MBP: variants seen among roughly 807,000 people sequenced by gnomAD.
MBP encodes the protein Golli-MBP.
A neutral mutation model predicts 35.8 loss-of-function variants in MBP; 16 were observed. That is an observed-to-expected ratio of 0.45 (90% CI 0.30 to 0.68). The LOEUF is 0.68. Among genes scored for constraint, MBP ranks in the 30% least tolerant of loss-of-function variants. MBP has a pLI of 0.08. For missense variants in MBP, 380 were observed against 404.7 expected, an observed-to-expected ratio of 0.94 and a Z score of 0.52; for synonymous variants, 143 against 159.6, an observed-to-expected ratio of 0.90 and a Z score of 0.78.
intron 2 of MBP, among the ~76,000 whole-genome samples, chr18:77,075,988 G>A (rs146456974): frequency 1.3e-5 from 2 of 152,320 alleles, no homozygotes; most frequent in Non-Finnish European, 2.9e-5. Context: ...GGAGGGATTC[G>A]ATTACATTTA....
intron 2 of MBP, among the ~76,000 whole-genome samples, chr18:77,100,511 GTGTGTGTGTGTGTGT>G (rs1975958264): frequency 5.7e-5 from 3 of 52,326 alleles, no homozygotes; most frequent in South Asian, 8.9e-4. Flanking sequence ...AATTTGGGGT[GTGTGTGTGTGTGTGT>G]GTGTGTGTGT....
rs371134243 is a variant in MBP at position 76,980,386 on chromosome 18, A to G, written c.*41T>C. On this transcript the variant is annotated 3_prime_UTR_variant, in exon 9 of 9. Coordinates refer to ENST00000355994, the MANE Select transcript of MBP (RefSeq NM_001025101.2). ...GGGATTAAAGTTTTAAGGCAGTTAT[A>G]TTAAGAAGCTGAGGACAGGATTCCG... 5.0e-6 allele frequency: 8 copies of G among 1,587,054 alleles called. No individual in the cohort carries two copies. In the African/African-American group the frequency reaches 9.4e-5, roughly 19 times the overall value.
intron 3 of MBP, among the ~76,000 whole-genome samples, chr18:77,037,189 G>A (rs2850209): frequency 0.054 from 7,101 of 131,690 alleles, 261 homozygotes; most frequent in Middle Eastern, 0.15. Flanking sequence ...TGCTGGTCAC[G>A]TTTTGGAGAC....
chr18:76,990,157 AT>A (rs35688328), intron 4 of MBP, 97 bp from the exon 5 acceptor site: 106,434 of 577,314 alleles, frequency 0.18, 561 homozygotes, highest in Non-Finnish European at 0.21. Context: ...TGTAATCTGG[AT>A]TTTTTTTTTT....
chr18:76,987,637 T>C (rs1333987337), intron 7 of MBP: 1 of 985,954 alleles, frequency 1.0e-6, no homozygotes, highest in African/African-American at 1.7e-5. Flanking sequence ...AAAGTGTAGG[T>C]AGGCTCTGTT....
intron 4 of MBP, chr18:77,013,587 A>C: frequency 1.0e-6 from 1 of 985,434 alleles, no homozygotes; most frequent in Non-Finnish European, 1.2e-6. Context: ...GTTCTTCTCC[A>C]TACAGTCGCA....
intron 3 of MBP, among the ~76,000 whole-genome samples, chr18:77,032,520 G>C (rs1048532270): frequency 6.6e-6 from 1 of 152,252 alleles, no homozygotes; most frequent in Non-Finnish European, 1.5e-5. Context: ...TGTGCTAGGG[G>C]AGCCTCAGGA....
intron 2 of MBP, chr18:77,093,516 G>C (rs1161622736): frequency 1.3e-5 from 2 of 152,084 alleles, no homozygotes; most frequent in Non-Finnish European, 2.9e-5. Context: ...TTTAACAAAG[G>C]TCACCGTTTA....
intron 2 of MBP, among the ~76,000 whole-genome samples, chr18:77,096,459 C>G (rs1217792476): frequency 1.6e-5 from 2 of 121,714 alleles, no homozygotes; most frequent in East Asian, 4.7e-4. Context: ...TGATGTGCAG[C>G]TTAAATAAAA....
intron 2 of MBP, chr18:77,093,104 GAAC>G (rs1286992864): frequency 2.0e-5 from 1 of 51,090 alleles, no homozygotes; most frequent in Non-Finnish European, 5.8e-5. Flanking sequence ...GTGGGCAAAA[GAAC>G]AGTGCCCGCC....
intron 4 of MBP, 75 bp downstream of exon 4, chr18:77,016,757 T>G (rs1971663824): frequency 5.1e-6 from 8 of 1,560,132 alleles, no homozygotes; most frequent in Admixed American, 1.8e-5. Context: ...CTTCCTCTAA[T>G]GGCTGAGTTC....
chr18:77,048,519 A>C (rs1211707311), intron 3 of MBP, among the ~76,000 whole-genome samples: 2 of 150,398 alleles, frequency 1.3e-5, no homozygotes, highest in Admixed American at 6.6e-5. Context: ...CCCAGGCTGG[A>C]GTGCAATGGT....
intron 3 of MBP, among the ~76,000 whole-genome samples, chr18:77,059,491 AATTT>A (rs960577959): frequency 4.0e-5 from 5 of 124,752 alleles, no homozygotes; most frequent in East Asian, 2.2e-4. Context: ...ATTTATAATT[AATTT>A]AATTCTAATG....
chr18:77,098,506 C>T (rs1362444211), intron 2 of MBP, among the ~76,000 whole-genome samples: 1 of 152,152 alleles, frequency 6.6e-6, no homozygotes, highest in Admixed American at 6.5e-5. Flanking sequence ...TAAAACATTC[C>T]TTTCAGTCCT....
At chr18:77,005,212 G>A (rs960704693) in intron 4 of MBP, 1 of 152,282 alleles carries the variant, frequency 6.6e-6, no homozygotes. Flanking sequence ...GAGAAGCAAC[G>A]GAGGTGGACA....
chr18:77,121,388 C>T (rs955307164), intron 1 of MBP, among the ~76,000 whole-genome samples: 5 of 152,066 alleles, frequency 3.3e-5, no homozygotes, highest in African/African-American at 4.8e-5. Flanking sequence ...CTTATCTAGC[C>T]GTGTGTTTTA....
At position 77,102,497 on chromosome 18, in the gene MBP, GA is replaced by G. The variant is rs889650129; in HGVS notation, c.51+2713del. 2.0e-5 allele frequency among the ~76,000 whole-genome samples: 3 copies of G among 151,602 alleles called. No homozygotes were observed. Among genetic ancestry groups the G allele is most frequent in the Non-Finnish European group, 4.4e-5 (3 of 67,858 alleles). On this transcript the variant is annotated intron_variant, in intron 2 of 8. Coordinates refer to ENST00000355994, the MANE Select transcript of MBP (RefSeq NM_001025101.2). The surrounding 1 kb of genome is among the most constrained non-coding windows in gnomAD (Gnocchi z 4.4). ...TATTTCCCATCAAGTTTAAAGGAAAGAAAAAAAAGCTCTTACTTCTTAAAAC... is the reference window on the plus strand; with the variant it reads ...TATTTCCCATCAAGTTTAAAGGAAAGAAAAAAAGCTCTTACTTCTTAAAAC...
At chr18:77,105,694 G>C (rs747194005) in intron 1 of MBP, among the ~76,000 whole-genome samples, 9 of 152,174 alleles carry the variant, frequency 5.9e-5, no homozygotes, top group Non-Finnish European at 8.8e-5. Context: ...TGTCAGAAAG[G>C]TGCTGACACT....
chr18:76,981,618 C>A (rs1242658848), intron 8 of MBP: 1 of 152,326 alleles, frequency 6.6e-6, no homozygotes, highest in South Asian at 2.1e-4. Context: ...AAATGCTAGC[C>A]TGCGAAGCCG....
Sources: gnomAD v4.1 joint callset for allele counts (sites outside exome capture counted in the v4.1 genomes callset) on GRCh38, gnomAD v4.1.1 for gene constraint, Gnocchi (gnomAD v3.1) non-coding constraint, MANE v1.5 for transcripts, NCBI Gene and HGNC (gene_info 2026-07-23, HGNC 2026-07-21) for gene names.